The following RCOR1 variants were observed in gnomAD, a reference collection of about 807,000 sequenced individuals.
RCOR1 encodes REST corepressor 1, also known as REST corepressor.
In RCOR1, 12 loss-of-function variants were observed where a neutral mutation model predicts 64.0. The ratio of observed to expected loss-of-function variants is 0.19; its 90% CI spans 0.12 to 0.30. The LOEUF (loss-of-function observed/expected upper bound fraction) is 0.30. RCOR1 is among the 10% of genes least tolerant of loss of function. The pLI is 1.00. For synonymous variants in RCOR1, 279 were observed against 227.2 expected (o/e 1.23, Z -2.05); for missense variants, 502 against 621.2 (o/e 0.81, Z 2.04).
intron 2 of RCOR1, chr14:102,662,166 C>T (rs1192769365): frequency 2.5e-6 from 1 of 407,200 alleles, no homozygotes; most frequent in African/African-American, 2.1e-5. Context: ...GTACATACTT[C>T]TGCAACTTTT....
intron 2 of RCOR1, among the ~76,000 whole-genome samples, chr14:102,614,295 G>A (rs1451732571): frequency 6.7e-6 from 1 of 148,244 alleles, no homozygotes. Flanking sequence ...CGCCATCTCG[G>A]CTCACTGCAA....
At chr14:102,718,674 G>T (rs908551191) in intron 8 of RCOR1, among the ~76,000 whole-genome samples, 3 of 152,040 alleles carry the variant, frequency 2.0e-5, no homozygotes, top group Non-Finnish European at 4.4e-5. Context: ...GATTACCTTT[G>T]CATCCTATTT....
chr14:102,708,412 T>C (rs934996431), intron 5 of RCOR1, 53 bp from the exon 6 acceptor site: 59 of 1,100,186 alleles, frequency 5.4e-5, no homozygotes, highest in Non-Finnish European at 7.8e-5. Flanking sequence ...AAACATTTGA[T>C]TTTTAAAGAT....
intron 2 of RCOR1, among the ~76,000 whole-genome samples, chr14:102,599,162 C>T: frequency 6.6e-6 from 1 of 151,524 alleles, no homozygotes; most frequent in South Asian, 2.1e-4. Flanking sequence ...GATAGGGTCA[C>T]ACTCTGTCAC....
At chr14:102,689,860 C>T (rs143884043) in intron 3 of RCOR1, among the ~76,000 whole-genome samples, 1,638 of 152,268 alleles carry the variant, frequency 0.011, 18 homozygotes, top group Non-Finnish European at 0.017. Flanking sequence ...TCTCCTGCCT[C>T]AGCCTCCCTA....
intron 2 of RCOR1, among the ~76,000 whole-genome samples, chr14:102,622,162 G>T (rs917079677): frequency 7.1e-6 from 1 of 140,730 alleles, no homozygotes; most frequent in Non-Finnish European, 1.6e-5. Flanking sequence ...TGGAGGAGGG[G>T]CTGTGTAACC....
chr14:102,721,624 C>T (rs1324242190), intron 10 of RCOR1: 27 of 324,134 alleles, frequency 8.3e-5, no homozygotes, highest in Non-Finnish European at 1.4e-4. Context: ...GGAAAAGTTA[C>T]GTCCTGCCCT....
intron 3 of RCOR1, among the ~76,000 whole-genome samples, chr14:102,689,411 T>A (rs1895488084): frequency 6.6e-6 from 1 of 152,134 alleles, no homozygotes; most frequent in South Asian, 2.1e-4. Flanking sequence ...GTCTGCTTTT[T>A]AAAAATATAT....
At position 102,641,811 on chromosome 14, in the gene RCOR1, C is replaced by T. The variant is rs578091638; in HGVS notation, c.362-40084C>T. The stretch of plus-strand genomic sequence containing the variant: ...ATGTGTTACTTCTGTCTAGCCCCCT[C>T]CTGTATCTAGCATAGTTTCTTTGGG... On this transcript the variant is annotated intron_variant, in intron 2 of 11. Transcript: ENST00000262241. 7.2e-5 allele frequency among the ~76,000 whole-genome samples: 11 copies of T among 152,240 alleles called. No homozygotes were observed. In the South Asian group the frequency reaches 2.3e-3, roughly 32 times the overall value.
chr14:102,626,310 C>T (rs1429659666), intron 2 of RCOR1, among the ~76,000 whole-genome samples: 1 of 152,174 alleles, frequency 6.6e-6, no homozygotes, highest in Non-Finnish European at 1.5e-5. Flanking sequence ...AAAGCTTTTA[C>T]TGGGCTAATA....
chr14:102,676,748 C>T (rs1472802545), intron 2 of RCOR1, among the ~76,000 whole-genome samples: 3 of 108,726 alleles, frequency 2.8e-5, no homozygotes, highest in East Asian at 6.1e-4. Context: ...CCCCACCTCC[C>T]TCCCGGACGG....
At chr14:102,725,206 TCTC>T (rs759336614) in intron 11 of RCOR1, among the ~76,000 whole-genome samples, 12 of 152,288 alleles carry the variant, frequency 7.9e-5, no homozygotes, top group South Asian at 2.1e-4. Context: ...TGAGGAGAAA[TCTC>T]CTCCTGTATC....
At chr14:102,647,265 A>T (rs906064756) in intron 2 of RCOR1, among the ~76,000 whole-genome samples, 10 of 152,234 alleles carry the variant, frequency 6.6e-5, no homozygotes, top group African/African-American at 2.4e-4. Context: ...ACTAGAATCT[A>T]GGTGACAGTG....
At chr14:102,620,058 A>G (rs1893842766) in intron 2 of RCOR1, among the ~76,000 whole-genome samples, 1 of 152,134 alleles carries the variant, frequency 6.6e-6, no homozygotes, top group South Asian at 2.1e-4. Flanking sequence ...AACACAAATT[A>G]TACAGTAGCT....
chr14:102,656,795 A>ATTTT (rs1894735727), intron 2 of RCOR1, among the ~76,000 whole-genome samples: 1 of 138,474 alleles, frequency 7.2e-6, no homozygotes. Flanking sequence ...TTTTTTTTTG[A>ATTTT]GATCAGGTCT....
At chr14:102,642,890 C>G (rs866208991) in intron 2 of RCOR1, among the ~76,000 whole-genome samples, 2 of 152,104 alleles carry the variant, frequency 1.3e-5, no homozygotes, top group Middle Eastern at 3.4e-3. Flanking sequence ...TATTCTGACA[C>G]AGTATAGGAG....
intron 2 of RCOR1, among the ~76,000 whole-genome samples, chr14:102,650,216 A>T (rs1894557558): frequency 6.7e-6 from 1 of 149,224 alleles, no homozygotes; most frequent in Non-Finnish European, 1.5e-5. Flanking sequence ...AAAAAAAAAG[A>T]ATCATAGTGG....
In RCOR1 at chr14:102,721,342, G is replaced by A. The variant is rs1896164768; in HGVS notation, c.1154G>A (p.Arg385His). The change falls in exon 10 of 12, where the codon CGT becomes CAT. Residue 385 changes from arginine (R) to histidine (H), a missense_variant. By Grantham distance (29) the Arg-to-His change is conservative. Coordinates refer to ENST00000262241, the MANE Select transcript of RCOR1 (RefSeq NM_015156.4). The stretch of plus-strand genomic sequence containing the variant: ...CAGGTCATTCAGAAATGTAATGCAC[G>A]TTGGACTACAGAAGAGCAGCTTCTC... ...LPEVIQKCNA[R>H]WTTEEQLLAV... is the part of the protein sequence containing the mutation. 1 of 1,613,392 alleles carries A rather than the reference G, an allele frequency of 6.2e-7. No homozygotes were observed. The highest frequency in any genetic ancestry group is 8.5e-7 in the Non-Finnish European group (1 of 1,179,636).
chr14:102,608,785 T>G (rs1893567786), intron 2 of RCOR1, among the ~76,000 whole-genome samples: 1 of 151,616 alleles, frequency 6.6e-6, no homozygotes, highest in South Asian at 2.1e-4. Flanking sequence ...GGCTGGTCTC[T>G]AACTCCTGAC....
Sources: gnomAD v4.1 joint callset for allele counts (sites outside exome capture counted in the v4.1 genomes callset) on GRCh38, gnomAD v4.1.1 for gene constraint, MANE v1.5 for transcripts, NCBI Gene and HGNC (gene_info 2026-07-23, HGNC 2026-07-21) for gene names.